OSBPL10: variants seen among roughly 807,000 people sequenced by gnomAD.
OSBPL10 encodes the protein oxysterol-binding protein-related protein 10.
A neutral mutation model predicts 81.7 loss-of-function variants in OSBPL10; 49 were observed. That is an observed-to-expected ratio of 0.60 (90% CI 0.48 to 0.76). The LOEUF (loss-of-function observed/expected upper bound fraction) is 0.76, where lower values mean the gene tolerates loss of function less well. Ranked by LOEUF, OSBPL10 falls within the 30% of genes least tolerant of loss-of-function variation. The pLI, the probability that OSBPL10 is intolerant of heterozygous loss-of-function variation, is 0.00. For missense variants in OSBPL10, 923 were observed against 987.8 expected (o/e 0.93, Z 0.88); for synonymous variants, 419 against 383.6 (o/e 1.09, Z -1.08).
intron 3 of OSBPL10, among the ~76,000 whole-genome samples, chr3:31,850,542 A>G (rs1700738528): frequency 6.6e-6 from 1 of 152,182 alleles, no homozygotes; most frequent in Non-Finnish European, 1.5e-5. Flanking sequence ...AAAGCTTCCA[A>G]CGTGTAAAAA....
In OSBPL10 at chr3:32,026,057, TG is replaced by T. The variant is rs1699406417; in HGVS notation, n.298+20433del. On this transcript the variant is annotated intron_variant and non_coding_transcript_variant, in intron 2 of 3. Transcript: ENST00000479173. ...ATAGATAGATAGATAGATAGATAGA[TG>T]ATAGATAGATAGATAGATAGATAGA... Among the ~76,000 whole-genome samples the T allele has an allele frequency of 2.4e-3, 262 of 111,344 alleles. 3 individuals are homozygous for T. In the East Asian group the frequency reaches 0.052, roughly 22 times the overall value. 73.0% of individuals were successfully genotyped at this position (111,344 alleles called of 152,430 possible).
intron 3 of OSBPL10, among the ~76,000 whole-genome samples, chr3:31,840,057 A>C (rs1700455525): frequency 6.6e-6 from 1 of 151,262 alleles, no homozygotes; most frequent in Non-Finnish European, 1.5e-5. Flanking sequence ...TTCATGATTT[A>C]TTCTATGCTC....
chr3:31,780,910 T>C (rs765986463), intron 4 of OSBPL10, among the ~76,000 whole-genome samples: 27 of 148,970 alleles, frequency 1.8e-4, no homozygotes, highest in Non-Finnish European at 3.3e-4. Context: ...CTGGTACCAA[T>C]CTTACTGAAA....
intron 6 of OSBPL10, among the ~76,000 whole-genome samples, chr3:31,724,968 A>T (rs906654853): frequency 6.6e-6 from 1 of 152,228 alleles, no homozygotes; most frequent in African/African-American, 2.4e-5. Context: ...GCTGCAGGCC[A>T]TAGGTAAACC....
chr3:31,664,049 C>T (rs747137336), intron 11 of OSBPL10, 30 bp downstream of exon 11: 2 of 1,614,130 alleles, frequency 1.2e-6, no homozygotes, highest in East Asian at 2.2e-5. Flanking sequence ...CTCTCCTGGG[C>T]AAGGGACCAA....
At chr3:31,994,372 G>A (rs1408037158) in intron 2 of OSBPL10, among the ~76,000 whole-genome samples, 1 of 152,150 alleles carries the variant, frequency 6.6e-6, no homozygotes, top group East Asian at 1.9e-4. Context: ...ACCAAAAATA[G>A]TGAAATTTAT....
chr3:31,730,360 A>G (rs900305124), intron 6 of OSBPL10, among the ~76,000 whole-genome samples: 2 of 152,036 alleles, frequency 1.3e-5, no homozygotes, highest in South Asian at 4.1e-4. Context: ...AAAGGGGGAA[A>G]AAAAAAAAGA....
Position 31,740,764 on chromosome 3 carries a change from T to A in OSBPL10, c.940+7146A>T, listed in dbSNP as rs533156448. ...CTGCACTCCAGCCTGGGCAACATAG[T>A]GAGACTCCGTATCTCAAAAAAAAGA... is the stretch of plus-strand genomic sequence containing the variant. On this transcript the variant is annotated intron_variant, in intron 5 of 11. Coordinates refer to ENST00000396556, the MANE Select transcript of OSBPL10 (RefSeq NM_017784.5). Among the ~76,000 whole-genome samples the A allele has an allele frequency of 1.3e-3, 186 of 147,028 alleles. 1 individual carries two copies. The highest frequency in any genetic ancestry group is 4.7e-3 in the African/African-American group (179 of 37,884).
chr3:31,965,336 C>T lies in OSBPL10; in HGVS notation c.281+15563G>A, dbSNP rs574933007. ...AGGGAGCTGAGATCGCACTACTGCACTCCAGCCTGGGTGACAGAGCAAGAC... is the reference window on the plus strand; with the variant it reads ...AGGGAGCTGAGATCGCACTACTGCATTCCAGCCTGGGTGACAGAGCAAGAC... On this transcript the variant is annotated intron_variant, in intron 1 of 11. Coordinates refer to ENST00000396556, the MANE Select transcript of OSBPL10 (RefSeq NM_017784.5). Among the ~76,000 whole-genome samples the T allele has an allele frequency of 1.2e-4, 16 of 137,852 alleles. No individual in the cohort carries two copies. The South Asian group carries it at 3.6e-3, about 31-fold the overall frequency. The allele number at this position is 137,852 out of a possible 152,430, so 90.4% of individuals were successfully genotyped here.
At chr3:31,670,704 C>T in intron 9 of OSBPL10, 93 bp downstream of exon 9, 1 of 1,315,018 alleles carries the variant, frequency 7.6e-7, no homozygotes, top group Non-Finnish European at 1.0e-6. Flanking sequence ...ATTTTCAACT[C>T]ATCCCATTAC....
intron 1 of OSBPL10, among the ~76,000 whole-genome samples, chr3:31,910,887 C>A (rs138973507): frequency 7.4e-4 from 112 of 152,124 alleles, no homozygotes; most frequent in African/African-American, 2.6e-3. Flanking sequence ...ATTAAAGGAC[C>A]CCCTACTTCC....
At chr3:31,737,222 C>A (rs1697204234) in intron 5 of OSBPL10, among the ~76,000 whole-genome samples, 1 of 152,174 alleles carries the variant, frequency 6.6e-6, no homozygotes, top group Non-Finnish European at 1.5e-5. Flanking sequence ...ATCAGTTCAG[C>A]TGCTTTTAAA....
chr3:31,924,753 T>C (rs953926854), intron 1 of OSBPL10, among the ~76,000 whole-genome samples: 14 of 152,164 alleles, frequency 9.2e-5, no homozygotes, highest in Non-Finnish European at 1.5e-5. Flanking sequence ...TATCCAGCTC[T>C]GCTGTTGTAC....
intron 3 of OSBPL10, among the ~76,000 whole-genome samples, chr3:31,871,164 C>A (rs570778452): frequency 2.4e-4 from 36 of 152,286 alleles, no homozygotes; most frequent in African/African-American, 8.2e-4. Flanking sequence ...TCGCTCTTTG[C>A]AATAAATCTT....
At chr3:31,857,796 CAGAAAGGGAGAGAGAGAGAAAGGGA>C (rs1700955773) in intron 3 of OSBPL10, among the ~76,000 whole-genome samples, 6 of 26,790 alleles carry the variant, frequency 2.2e-4, no homozygotes, top group South Asian at 2.4e-3. Context: ...GGGGGAGAGA[CAGAAAGGGAGAGAGAGAGAAAGGGA>C]GAGGGAGAGG....
intron 1 of OSBPL10, among the ~76,000 whole-genome samples, chr3:31,928,167 A>G (rs72852904): frequency 0.083 from 12,630 of 152,192 alleles, 1,168 homozygotes; most frequent in African/African-American, 0.23. Context: ...AGATTTGCGG[A>G]TGGTATTTAA....
intron 2 of OSBPL10, among the ~76,000 whole-genome samples, chr3:32,032,676 A>T (rs1451044616): frequency 6.6e-6 from 1 of 152,172 alleles, no homozygotes; most frequent in Non-Finnish European, 1.5e-5. Context: ...GAGAATTACT[A>T]CATCTCCAAT....
At chr3:31,684,971 A>G (rs997728462) in intron 7 of OSBPL10, among the ~76,000 whole-genome samples, 3 of 151,920 alleles carry the variant, frequency 2.0e-5, no homozygotes, top group Non-Finnish European at 2.9e-5. Context: ...TAAGACAGAG[A>G]CTCCTCATTG....
At chr3:31,905,344 G>GGTTTTTTTTTTTTTTTTTT in intron 1 of OSBPL10, among the ~76,000 whole-genome samples, 1 of 70,714 alleles carries the variant, frequency 1.4e-5, no homozygotes, top group Non-Finnish European at 2.7e-5. Flanking sequence ...GGAACCTGGT[G>GGTTTTTTTTTTTTTTTTTT]ATTTTTTTTT....
Sources: allele counts gnomAD v4.1 joint callset (sites outside exome capture counted in the v4.1 genomes callset), GRCh38; gene constraint gnomAD v4.1.1; transcripts MANE v1.5; gene names NCBI Gene and HGNC (gene_info 2026-07-23, HGNC 2026-07-21).